Variants in INSYN2B observed in about 807,000 individuals in gnomAD.
INSYN2B encodes inhibitory synaptic factor family member 2B, also known as protein INSYN2B.
INSYN2B carries 16 observed loss-of-function variants against 41.2 expected under a neutral mutation model. The observed-to-expected ratio is 0.39, with a 90% CI of 0.26 to 0.59. INSYN2B has a LOEUF of 0.59. INSYN2B is among the 20% of genes least tolerant of loss of function. The pLI, the probability that INSYN2B is intolerant of heterozygous loss-of-function variation, is 0.57. For synonymous variants in INSYN2B, 245 were observed against 244.4 expected (o/e 1.00, Z -0.02); for missense variants, 608 against 646.4 (o/e 0.94, Z 0.64).
At chr5:169,920,589 A>T (rs762480010) in intron 1 of INSYN2B, among the ~76,000 whole-genome samples, 10 of 152,150 alleles carry the variant, frequency 6.6e-5, no homozygotes, top group Non-Finnish European at 1.2e-4. Flanking sequence ...ATGGGTTTGG[A>T]AAGAGGGCAT....
chr5:169,934,741 C>T (rs1309637267), intron 1 of INSYN2B: 10 of 455,914 alleles, frequency 2.2e-5, no homozygotes, highest in African/African-American at 4.0e-5. Flanking sequence ...GGGCTGCTCA[C>T]GGGATCAGTG....
intron 1 of INSYN2B, among the ~76,000 whole-genome samples, chr5:169,959,247 G>T (rs1350881567): frequency 6.6e-6 from 1 of 151,980 alleles, no homozygotes; most frequent in Non-Finnish European, 1.5e-5. Context: ...AAAAAAAATA[G>T]CTGGGCGTGG....
intron 1 of INSYN2B, among the ~76,000 whole-genome samples, chr5:169,977,447 C>T (rs1777755451): frequency 6.6e-6 from 1 of 152,196 alleles, no homozygotes; most frequent in Admixed American, 6.5e-5. Flanking sequence ...TTATCGAGGG[C>T]TTTCCGTATT....
chr5:169,922,360 A>G (rs1371503965), intron 1 of INSYN2B, among the ~76,000 whole-genome samples: 1 of 152,248 alleles, frequency 6.6e-6, no homozygotes, highest in Non-Finnish European at 1.5e-5. Context: ...TAATGTTAAT[A>G]CATAAAAATA....
rs1771352337 is a variant in INSYN2B at position 169,863,733 on chromosome 5, T to A, written c.*540A>T. On this transcript the variant is annotated 3_prime_UTR_variant, in exon 4 of 4. Transcript: ENST00000377365. ...AAAACAACCCAACACACCAGGGTGA[T>A]CTTGCATAAGCATTTTATGCCCTGC... Among the ~76,000 whole-genome samples the A allele has an allele frequency of 6.6e-6, 1 of 152,236 alleles. No homozygotes were observed. Among genetic ancestry groups the A allele is most frequent in the South Asian group, 2.1e-4 (1 of 4,830 alleles).
chr5:169,933,284 G>C (rs1019707780), intron 1 of INSYN2B, among the ~76,000 whole-genome samples: 2 of 152,238 alleles, frequency 1.3e-5, no homozygotes, highest in Admixed American at 6.5e-5. Flanking sequence ...GACAGTGGCT[G>C]TCAGCCCTGG....
In INSYN2B at chr5:169,940,341, C is replaced by A. The variant is rs138297275; in HGVS notation, c.-919+39936G>T. On this transcript the variant is annotated intron_variant, in intron 1 of 3. Coordinates refer to ENST00000377365, the MANE Select transcript of INSYN2B (RefSeq NM_001129891.3). ...TCTGGAGGCATTTTTGTTTTTCACA[C>A]CTTGAGTATTGCTATTGGCATCTAA... Among the ~76,000 whole-genome samples, 526 of 152,280 alleles carry A rather than the reference C, an allele frequency of 3.5e-3. 5 individuals are homozygous for A. The South Asian group carries it at 0.043, about 12-fold the overall frequency.
intron 1 of INSYN2B, among the ~76,000 whole-genome samples, chr5:169,894,488 G>T (rs1001829602): frequency 6.6e-6 from 1 of 152,176 alleles, no homozygotes; most frequent in African/African-American, 2.4e-5. Context: ...CAAAGCATTG[G>T]CAGGCAGCTG....
At chr5:169,926,789 T>C (rs1180611480) in intron 1 of INSYN2B, among the ~76,000 whole-genome samples, 2 of 152,218 alleles carry the variant, frequency 1.3e-5, no homozygotes, top group Non-Finnish European at 2.9e-5. Context: ...TAGTTACTTA[T>C]TGAGCTTTTA....
chr5:169,898,397 G>T (rs1455844463), intron 1 of INSYN2B, among the ~76,000 whole-genome samples: 1 of 152,192 alleles, frequency 6.6e-6, no homozygotes, highest in Non-Finnish European at 1.5e-5. Context: ...GGCTGCCTGG[G>T]TTTAAAATCC....
At chr5:169,906,284 A>T (rs1561812996) in intron 1 of INSYN2B, among the ~76,000 whole-genome samples, 3 of 152,048 alleles carry the variant, frequency 2.0e-5, no homozygotes, top group Non-Finnish European at 4.4e-5. Context: ...AATGAGTATG[A>T]TCATAGTACT....
chr5:169,899,406 G>A (rs1773793544), intron 1 of INSYN2B, among the ~76,000 whole-genome samples: 1 of 152,188 alleles, frequency 6.6e-6, no homozygotes, highest in South Asian at 2.1e-4. Context: ...CCTGGAGGGA[G>A]AGCCTGCCTA....
chr5:169,933,000 C>T (rs1279131699), intron 1 of INSYN2B, among the ~76,000 whole-genome samples: 1 of 152,200 alleles, frequency 6.6e-6, no homozygotes, highest in East Asian at 1.9e-4. Context: ...CTCTGTCTGC[C>T]ATTCTCTGCA....
intron 1 of INSYN2B, among the ~76,000 whole-genome samples, chr5:169,938,835 T>C (rs925080416): frequency 6.6e-6 from 1 of 152,226 alleles, no homozygotes; most frequent in Non-Finnish European, 1.5e-5. Context: ...ACACAAATAT[T>C]GTATAACTGT....
chr5:169,971,949 A>G (rs1777522504), intron 1 of INSYN2B, among the ~76,000 whole-genome samples: 1 of 152,186 alleles, frequency 6.6e-6, no homozygotes, highest in Non-Finnish European at 1.5e-5. Flanking sequence ...TTCTCAGTAT[A>G]TATACTACCA....
At chr5:169,967,533 G>T (rs1777347605) in intron 1 of INSYN2B, among the ~76,000 whole-genome samples, 1 of 152,142 alleles carries the variant, frequency 6.6e-6, no homozygotes, top group Admixed American at 6.5e-5. Flanking sequence ...GGCTGAAAAG[G>T]GAAGAGGGAC....
intron 1 of INSYN2B, among the ~76,000 whole-genome samples, chr5:169,967,976 G>T (rs1026111500): frequency 2.6e-5 from 4 of 152,150 alleles, no homozygotes; most frequent in African/African-American, 9.7e-5. Flanking sequence ...GAGGAAGAAA[G>T]GTCTGAGAGG....
At chr5:169,930,284 C>A (rs1239567156) in intron 1 of INSYN2B, among the ~76,000 whole-genome samples, 3 of 152,192 alleles carry the variant, frequency 2.0e-5, no homozygotes, top group Non-Finnish European at 4.4e-5. Context: ...GCCACCGCAC[C>A]TGGCCTAATT....
chr5:169,925,980 GC>G (rs1775429257), intron 1 of INSYN2B, among the ~76,000 whole-genome samples: 1 of 152,154 alleles, frequency 6.6e-6, no homozygotes, highest in South Asian at 2.1e-4. Flanking sequence ...ATAACTGTGT[GC>G]CCAGGAGCTC....
Sources: gnomAD v4.1 joint callset for allele counts (sites outside exome capture counted in the v4.1 genomes callset) on GRCh38, gnomAD v4.1.1 for gene constraint, MANE v1.5 for transcripts, NCBI Gene and HGNC (gene_info 2026-07-23, HGNC 2026-07-21) for gene names.